Variants in GNG7 observed in about 807,000 individuals in gnomAD.
GNG7 encodes the protein G protein subunit gamma 7.
A neutral mutation model predicts 4.0 loss-of-function variants in GNG7; 1 was observed. That is an observed-to-expected ratio of 0.25 (90% confidence interval 0.09 to 1.18). GNG7 has a LOEUF of 1.18. Among genes scored for constraint, GNG7 ranks in the 50% most tolerant of loss-of-function variants. GNG7 has a pLI of 0.50. For synonymous variants in GNG7, 34 were observed against 36.9 expected (o/e 0.92, Z 0.29); for missense variants, 86 against 91.9 (o/e 0.94, Z 0.26).
intron 2 of GNG7, among the ~76,000 whole-genome samples, chr19:2,588,859 CCT>C (rs1257269263): frequency 6.6e-6 from 1 of 152,152 alleles, no homozygotes; most frequent in African/African-American, 2.4e-5. Flanking sequence ...CGTGGTGGCA[CCT>C]CTCTTCCCAG....
chr19:2,564,989 G>C (rs2144773205), intron 2 of GNG7, among the ~76,000 whole-genome samples: 1 of 151,976 alleles, frequency 6.6e-6, no homozygotes, highest in Admixed American at 6.5e-5. Flanking sequence ...CTAGGAGGTT[G>C]AGACCACTCT....
rs975375241 is a variant in GNG7 at position 2,546,419 on chromosome 19, G to A, written c.-38+8730C>T. Among the ~76,000 whole-genome samples, 2 of 152,254 alleles carry A rather than the reference G, an allele frequency of 1.3e-5. No homozygotes were observed. Among genetic ancestry groups the A allele is most frequent in the Non-Finnish European group, 2.9e-5 (2 of 68,038 alleles). ...GGCTCTGTGACCTCAAGGCAGGGCC[G>A]TGGGGCCCAGGGCTGCGGGCGGGAG... On this transcript the variant is annotated intron_variant, in intron 3 of 4. Transcript: ENST00000382159. The surrounding 1 kb of genome is among the most constrained non-coding windows in gnomAD (Gnocchi z 6.3).
chr19:2,608,135 G>A (rs559041082), intron 2 of GNG7, among the ~76,000 whole-genome samples: 3 of 149,834 alleles, frequency 2.0e-5, no homozygotes, highest in African/African-American at 7.6e-5. Context: ...TGAGGTCGCC[G>A]CCCTGCCACT....
At chr19:2,656,029 C>CAAAAAAAAAA (rs55687607) in intron 1 of GNG7, among the ~76,000 whole-genome samples, 9 of 98,086 alleles carry the variant, frequency 9.2e-5, no homozygotes, top group South Asian at 3.1e-4. Flanking sequence ...CGATTCAAAA[C>CAAAAAAAAAA]AAAAAAAAAA....
chr19:2,687,291 C>T (rs970358660), intron 1 of GNG7, among the ~76,000 whole-genome samples: 1 of 151,966 alleles, frequency 6.6e-6, no homozygotes, highest in Non-Finnish European at 1.5e-5. Context: ...AGCTCCTGGG[C>T]TCAAGCAATC....
intron 2 of GNG7, among the ~76,000 whole-genome samples, chr19:2,566,333 G>GGAGT (rs1366142665): frequency 6.6e-6 from 1 of 152,102 alleles, no homozygotes; most frequent in Non-Finnish European, 1.5e-5. Flanking sequence ...CCAGGAGCTG[G>GGAGT]GAGTGGCCCT....
chr19:2,685,772 GTCC>G (rs1402951265), intron 1 of GNG7, among the ~76,000 whole-genome samples: 1 of 152,178 alleles, frequency 6.6e-6, no homozygotes, highest in African/African-American at 2.4e-5. Flanking sequence ...ACCGCCCGGT[GTCC>G]TCCTCCCGAG....
chr19:2,682,596 G>A (rs1161484576), intron 1 of GNG7, among the ~76,000 whole-genome samples: 1 of 148,352 alleles, frequency 6.7e-6, no homozygotes, highest in East Asian at 2.0e-4. Context: ...CCGGGAGACG[G>A]AGGTTGCAGA....
chr19:2,661,075 G>T (rs886317840), intron 1 of GNG7, among the ~76,000 whole-genome samples: 1 of 151,558 alleles, frequency 6.6e-6, no homozygotes, highest in Non-Finnish European at 1.5e-5. Flanking sequence ...GCCGGGCGTG[G>T]TGGTGCATGC....
chr19:2,642,869 C>A (rs561524755), intron 2 of GNG7: 1 of 456,116 alleles, frequency 2.2e-6, no homozygotes, highest in Non-Finnish European at 4.4e-6. Flanking sequence ...ATAGTCTGAG[C>A]CCTCTCCGGG....
rs1426354658 is a variant in GNG7 at position 2,665,066 on chromosome 19, G to T, written c.-134-18786C>A. Reference sequence around the variant, plus strand: ...TTGAAATCCACACCTTTAGTTGGGGGGAGGGAGAGAGGAGGTGAATCCCAC... The same window carrying T: ...TTGAAATCCACACCTTTAGTTGGGGTGAGGGAGAGAGGAGGTGAATCCCAC... On this transcript the variant is annotated intron_variant, in intron 1 of 4. Coordinates refer to ENST00000382159, the MANE Select transcript of GNG7 (RefSeq NM_052847.3). Among the ~76,000 whole-genome samples, 4 of 151,888 alleles carry T rather than the reference G, an allele frequency of 2.6e-5. No homozygotes were observed. In the East Asian group the frequency reaches 7.8e-4, roughly 30 times the overall value.
chr19:2,530,597 G>A (rs531169539), intron 3 of GNG7, among the ~76,000 whole-genome samples: 1 of 150,768 alleles, frequency 6.6e-6, no homozygotes, highest in Admixed American at 6.6e-5. Flanking sequence ...GCGGGTGCCT[G>A]TAGTCCCAGC....
chr19:2,548,562 G>A (rs1979206764), intron 3 of GNG7, among the ~76,000 whole-genome samples: 1 of 151,016 alleles, frequency 6.6e-6, no homozygotes, highest in Non-Finnish European at 1.5e-5. Flanking sequence ...GCTGAGGTGT[G>A]TGGCTCACTT....
At chr19:2,523,377 C>T (rs1159632254) in intron 3 of GNG7, among the ~76,000 whole-genome samples, 2 of 151,896 alleles carry the variant, frequency 1.3e-5, no homozygotes, top group South Asian at 2.1e-4. Context: ...CATAGCAAGA[C>T]CCCCTCTCTA....
chr19:2,551,612 T>C (rs1246338488), intron 3 of GNG7, among the ~76,000 whole-genome samples: 1 of 146,258 alleles, frequency 6.8e-6, no homozygotes, highest in Admixed American at 6.8e-5. Context: ...TATAAACAAA[T>C]ATATATTTAT....
chr19:2,661,225 AG>A (rs1983136127), intron 1 of GNG7, among the ~76,000 whole-genome samples: 4 of 146,502 alleles, frequency 2.7e-5, no homozygotes, highest in African/African-American at 1.0e-4. Flanking sequence ...AAAAAAAAAA[AG>A]AAAAGGAAAG....
intron 3 of GNG7, among the ~76,000 whole-genome samples, chr19:2,531,663 C>G (rs1254215273): frequency 6.7e-6 from 1 of 149,596 alleles, no homozygotes; most frequent in Non-Finnish European, 1.5e-5. Flanking sequence ...CCCAGCTACT[C>G]CGGAGGCTGA....
chr19:2,554,543 C>CTA lies in GNG7; in HGVS notation c.-38+604_-38+605dup, dbSNP rs1442355190. The stretch of plus-strand genomic sequence containing the variant: ...TATATGTGTGTATAAAATATATATG[C>CTA]TATATATATATATATATTTTTTTTT... On this transcript the variant is annotated intron_variant, in intron 3 of 4. Transcript: ENST00000382159. 1.4e-3 allele frequency among the ~76,000 whole-genome samples: 190 copies of CTA among 136,812 alleles called. 1 individual carries two copies. The highest frequency in any genetic ancestry group is 3.8e-3 in the Middle Eastern group (1 of 262). 89.8% of individuals were successfully genotyped at this position (136,812 alleles called of 152,430 possible).
Position 2,583,118 on chromosome 19 carries a change from A to AT in GNG7, c.-77-27931dup, listed in dbSNP as rs530281702. 2.5e-4 allele frequency among the ~76,000 whole-genome samples: 37 copies of AT among 150,280 alleles called. 1 individual carries two copies. The highest frequency in any genetic ancestry group is 6.3e-4 in the African/African-American group (26 of 40,984). On this transcript the variant is annotated intron_variant, in intron 2 of 4. Coordinates refer to ENST00000382159, the MANE Select transcript of GNG7 (RefSeq NM_052847.3). ...ACTACACCTGGTCTAACTGGCAAGT[A>AT]TTTTTTTTTTAAATAGATAATATCC...
Sources: gnomAD v4.1 joint callset for allele counts (sites outside exome capture counted in the v4.1 genomes callset) on GRCh38, gnomAD v4.1.1 for gene constraint, Gnocchi (gnomAD v3.1) non-coding constraint, MANE v1.5 for transcripts, NCBI Gene and HGNC (gene_info 2026-07-23, HGNC 2026-07-21) for gene names.